NRDC: variants seen among roughly 807,000 people sequenced by gnomAD.
The protein encoded by NRDC is nardilysin.
NRDC carries 54 observed loss-of-function variants against 147.1 expected under a neutral mutation model. That is an observed-to-expected ratio of 0.37 (90% confidence interval 0.29 to 0.46). The LOEUF is 0.46. Ranked by LOEUF, NRDC falls within the 20% of genes least tolerant of loss-of-function variation. NRDC has a pLI of 1.00. For synonymous variants in NRDC, 440 were observed against 482.1 expected (o/e 0.91, Z 1.14); for missense variants, 1,082 against 1,370.6 (o/e 0.79, Z 3.33).
intron 13 of NRDC, 97 bp from the exon 14 acceptor site, chr1:51,814,186 AT>A (rs1299929561): frequency 2.7e-6 from 2 of 752,408 alleles, no homozygotes; most frequent in Non-Finnish European, 4.6e-6. Flanking sequence ...AAAGGTAACT[AT>A]TGGGTAGTAG....
rs1405717794 is a variant in NRDC, at chr1:51,840,550, C to T, written c.342-36G>A. The T allele has an allele frequency of 2.1e-6, 3 of 1,450,380 alleles. No individual in the cohort carries two copies. In the African/African-American group the frequency reaches 4.3e-5, roughly 21 times the overall value. The allele number at this position is 1,450,380 out of a possible 1,614,324, so 89.8% of individuals were successfully genotyped here. A position where few individuals can be genotyped will look rare whatever the true frequency, so the allele number is the denominator to read the frequency against. On this transcript the variant is annotated intron_variant, in intron 1 of 30. Transcript: ENST00000352171. The stretch of plus-strand genomic sequence containing the variant: ...AAAAAAAAAATCACACATTTTGATT[C>T]AGCTGTTCTTTACACCAATACAAGT...
chr1:51,790,964 T>G lies in NRDC; in HGVS notation c.2987A>C (p.Glu996Ala). The change falls in exon 28 of 31, where the codon GAA (glutamate) becomes GCA (alanine). Residue 996 changes from glutamate to alanine, a missense_variant. Glu to Ala is a moderately radical substitution (Grantham distance 107). This residue lies in a region of NRDC where 187 missense variants were observed against 193.6 expected (regional missense o/e 0.97). Transcript: ENST00000352171. ...YNSEVVDKKIEEFLSSFEEKI... is the reference protein window; with the variant it reads ...YNSEVVDKKIAEFLSSFEEKI... ...CTCCTCAAAGCTAGAAAGAAACTCT[T>G]CTATCTTCTTATCAACAACTTCAGA... 6.2e-7 allele frequency: 1 copy of G among 1,613,334 alleles called. No homozygotes were observed. Among genetic ancestry groups the G allele is most frequent in the Non-Finnish European group, 8.5e-7 (1 of 1,179,588 alleles).
chr1:51,874,660 G>A (rs1253408585), intron 1 of NRDC, among the ~76,000 whole-genome samples: 1 of 151,934 alleles, frequency 6.6e-6, no homozygotes, highest in Non-Finnish European at 1.5e-5. Context: ...TACTAATCCT[G>A]CCCAACCAGA....
At chr1:51,842,902 CA>C (rs564704302) in intron 1 of NRDC, among the ~76,000 whole-genome samples, 2 of 149,378 alleles carry the variant, frequency 1.3e-5, no homozygotes, top group African/African-American at 2.5e-5. Flanking sequence ...CCCATCTCTA[CA>C]AAAAAAAATA....
intron 1 of NRDC, among the ~76,000 whole-genome samples, chr1:51,850,313 C>T (rs1328166068): frequency 6.6e-6 from 1 of 151,422 alleles, no homozygotes; most frequent in African/African-American, 2.4e-5. Flanking sequence ...GTATATAATA[C>T]TGTTACAATG....
At chr1:51,826,640 G>A (rs928450169) in intron 5 of NRDC, among the ~76,000 whole-genome samples, 8 of 152,130 alleles carry the variant, frequency 5.3e-5, no homozygotes, top group South Asian at 2.1e-4. Context: ...TCAGCCGGGC[G>A]CAGTGGCTCA....
chr1:51,836,503 A>G (rs1332725949), intron 2 of NRDC: 1 of 1,346,266 alleles, frequency 7.4e-7, no homozygotes, highest in East Asian at 2.4e-5. Flanking sequence ...CCACCCAAAT[A>G]TCATTTCATG....
intron 20 of NRDC, among the ~76,000 whole-genome samples, chr1:51,803,251 G>T (rs1679290072): frequency 6.6e-6 from 1 of 152,186 alleles, no homozygotes; most frequent in Admixed American, 6.5e-5. Context: ...GAGGCAGGCA[G>T]ATCACTTGAG....
chr1:51,790,476 C>T, intron 29 of NRDC, 57 bp downstream of exon 29: 1 of 1,070,978 alleles, frequency 9.3e-7, no homozygotes, highest in East Asian at 2.4e-5. Context: ...CCTGTGATGC[C>T]TGTAGAATCA....
intron 1 of NRDC, among the ~76,000 whole-genome samples, chr1:51,869,424 G>A (rs34743561): frequency 0.25 from 37,328 of 151,860 alleles, 5,771 homozygotes; most frequent in Non-Finnish European, 0.34. Flanking sequence ...ATCCCTAATC[G>A]TTTCTGTACA....
At chr1:51,846,514 G>A (rs1024803148) in intron 1 of NRDC, among the ~76,000 whole-genome samples, 13 of 152,258 alleles carry the variant, frequency 8.5e-5, no homozygotes, top group East Asian at 1.9e-4. Flanking sequence ...GAGCCCCGCG[G>A]TGAGTGTTAC....
chr1:51,834,019 A>G lies in NRDC; in HGVS notation c.864T>C (p.Asp288=), dbSNP rs895994146. 1.9e-6 allele frequency: 3 copies of G among 1,613,452 alleles called. No homozygotes were observed. The highest frequency in any genetic ancestry group is 2.7e-5 in the African/African-American group (2 of 74,926). The change falls in exon 4 of 31, where the codon GAT becomes GAC. Residue 288 remains aspartate, a splice_region_variant and synonymous_variant. Transcript: ENST00000352171. ...AAAGTATATTTAGAGTTAGTTACCT[A>G]TCAAGAGCTTCCTTGAAGTACTTCC... ...VQRKYFKEAL[D]RWAQFFIHPL...
At chr1:51,821,935 C>T (rs1680229931) in intron 7 of NRDC, among the ~76,000 whole-genome samples, 1 of 152,160 alleles carries the variant, frequency 6.6e-6, no homozygotes. Flanking sequence ...ACCCATATTA[C>T]ATTAACCTCT....
intron 1 of NRDC, among the ~76,000 whole-genome samples, chr1:51,860,461 C>G (rs1245216944): frequency 7.9e-5 from 12 of 152,236 alleles, no homozygotes; most frequent in Admixed American, 7.8e-4. Flanking sequence ...GCTGCTGCAG[C>G]TAGCTCATTA....
intron 4 of NRDC, among the ~76,000 whole-genome samples, chr1:51,832,479 C>T (rs11205897): frequency 0.47 from 70,797 of 151,946 alleles, 17,718 homozygotes; most frequent in East Asian, 0.84. Context: ...GAGTATCTAC[C>T]AAATTATTGA....
In NRDC at chr1:51,792,433, A is replaced by G; in HGVS notation, c.2776-9T>C. 1.2e-6 allele frequency: 2 copies of G among 1,613,956 alleles called. No individual in the cohort carries two copies. Among genetic ancestry groups the G allele is most frequent in the Non-Finnish European group, 1.7e-6 (2 of 1,179,806 alleles). On this transcript the variant is annotated splice_polypyrimidine_tract_variant and intron_variant, in intron 24 of 30. Coordinates refer to ENST00000352171, the MANE Select transcript of NRDC (RefSeq NM_001101662.2). Reference sequence around the variant, plus strand: ...AGACTCCTGGTACCTGACTGAAAAGAGAAGGTTGTCAGGCCAACTGAATAT... The same window carrying G: ...AGACTCCTGGTACCTGACTGAAAAGGGAAGGTTGTCAGGCCAACTGAATAT...
chr1:51,848,487 T>A (rs1681770596), intron 1 of NRDC, among the ~76,000 whole-genome samples: 1 of 151,562 alleles, frequency 6.6e-6, no homozygotes, highest in South Asian at 2.1e-4. Flanking sequence ...TCTCAAAAAA[T>A]AATAATAATA....
At chr1:51,852,196 T>C (rs1033177360) in intron 1 of NRDC, among the ~76,000 whole-genome samples, 3 of 152,164 alleles carry the variant, frequency 2.0e-5, no homozygotes, top group African/African-American at 4.8e-5. Flanking sequence ...TTGTGAAAAC[T>C]GCTTTCCACC....
At chr1:51,863,499 A>G (rs1682654882) in intron 1 of NRDC, among the ~76,000 whole-genome samples, 1 of 152,222 alleles carries the variant, frequency 6.6e-6, no homozygotes, top group Non-Finnish European at 1.5e-5. Context: ...AAGTCATTTC[A>G]ATCAAGAATG....
Sources: gnomAD v4.1 joint callset for allele counts (sites outside exome capture counted in the v4.1 genomes callset) on GRCh38, gnomAD v4.1.1 for gene constraint, gnomAD v4.1.1 regional missense constraint, MANE v1.5 for transcripts, NCBI Gene and HGNC (gene_info 2026-07-23, HGNC 2026-07-21) for gene names.